ADGRB3: variants seen among roughly 807,000 people sequenced by gnomAD.
ADGRB3 encodes adhesion G protein-coupled receptor B3.
ADGRB3 carries 37 observed loss-of-function variants against 193.4 expected under a neutral mutation model. That is an observed-to-expected ratio of 0.19 (90% CI 0.15 to 0.25). ADGRB3 has a LOEUF of 0.25. ADGRB3 is among the 10% of genes least tolerant of loss of function. The probability of loss-of-function intolerance (pLI) is 1.00; values close to 1 mark genes in which losing one functional copy is unlikely to be tolerated. For missense variants in ADGRB3, 1,637 were observed against 1,852.9 expected (o/e 0.88, Z 2.14); for synonymous variants, 690 against 644.2 (o/e 1.07, Z -1.08).
intron 17 of ADGRB3, among the ~76,000 whole-genome samples, chr6:69,209,472 G>A (rs1765608525): frequency 1.3e-5 from 2 of 152,210 alleles, no homozygotes; most frequent in African/African-American, 2.4e-5. Context: ...GCACCCAAAT[G>A]TCTCACCAGT....
intron 3 of ADGRB3, among the ~76,000 whole-genome samples, chr6:68,691,384 G>A (rs1419213643): frequency 6.6e-6 from 1 of 152,002 alleles, no homozygotes; most frequent in Non-Finnish European, 1.5e-5. Flanking sequence ...TCGATTGATA[G>A]ATGAATGTGT....
intron 17 of ADGRB3, among the ~76,000 whole-genome samples, chr6:69,177,336 T>C (rs1240745255): frequency 6.6e-6 from 1 of 152,012 alleles, no homozygotes; most frequent in Non-Finnish European, 1.5e-5. Flanking sequence ...TGTCTGTTTT[T>C]CTTTATTTCA....
rs765489730 is a variant in ADGRB3 at position 68,643,438 on chromosome 6, C to CTTTTTTTTTTTT, written c.757+4017_757+4028dup. 4.2e-3 allele frequency among the ~76,000 whole-genome samples: 271 copies of CTTTTTTTTTTTT among 65,034 alleles called. 6 individuals carry two copies. Among genetic ancestry groups the CTTTTTTTTTTTT allele is most frequent in the South Asian group, 4.9e-3 (6 of 1,220 alleles). The allele number at this position is 65,034 out of a possible 152,430, so 42.7% of individuals were successfully genotyped here. On this transcript the variant is annotated intron_variant, in intron 3 of 31. Coordinates refer to ENST00000370598, the MANE Select transcript of ADGRB3 (RefSeq NM_001704.3). ...CTTTCTCTTTACACTCTTCATCTTC[C>CTTTTTTTTTTTT]TTTTTTTTTTTTTTTTTTTTTTCGT...
At chr6:68,869,099 C>T (rs1197772326) in intron 3 of ADGRB3, among the ~76,000 whole-genome samples, 1 of 152,090 alleles carries the variant, frequency 6.6e-6, no homozygotes, top group Non-Finnish European at 1.5e-5. Flanking sequence ...TCTCAGCAGT[C>T]AACTGGAAGC....
chr6:68,901,543 G>A (rs554462068), intron 3 of ADGRB3, among the ~76,000 whole-genome samples: 13 of 152,198 alleles, frequency 8.5e-5, no homozygotes, highest in Non-Finnish European at 1.6e-4. Flanking sequence ...AGGTCATTGG[G>A]AACCATCTTA....
At chr6:69,343,076 A>G (rs1052581472) in intron 26 of ADGRB3, among the ~76,000 whole-genome samples, 4 of 151,962 alleles carry the variant, frequency 2.6e-5, no homozygotes, top group Admixed American at 1.3e-4. Flanking sequence ...TAAGAAGGAG[A>G]AAATAAGTGA....
intron 3 of ADGRB3, among the ~76,000 whole-genome samples, chr6:68,788,706 C>A (rs1376103928): frequency 6.6e-6 from 1 of 152,118 alleles, no homozygotes; most frequent in African/African-American, 2.4e-5. Flanking sequence ...TCCTGGGTAT[C>A]CTTGTTAACT....
intron 3 of ADGRB3, among the ~76,000 whole-genome samples, chr6:68,789,308 A>G (rs1403683492): frequency 1.3e-5 from 2 of 152,040 alleles, no homozygotes; most frequent in African/African-American, 2.4e-5. Context: ...GATCCTTTCC[A>G]TGTTTAGTGC....
chr6:68,836,115 T>A (rs2127385603), intron 3 of ADGRB3, among the ~76,000 whole-genome samples: 1 of 152,248 alleles, frequency 6.6e-6, no homozygotes, highest in Non-Finnish European at 1.5e-5. Context: ...TGACTTTTGC[T>A]CTTCCATGTG....
chr6:69,338,560 T>G (rs1478340517), intron 24 of ADGRB3, among the ~76,000 whole-genome samples: 1 of 152,104 alleles, frequency 6.6e-6, no homozygotes, highest in Non-Finnish European at 1.5e-5. Context: ...GGGCTAGGAG[T>G]CCTCACATGT....
chr6:69,100,923 AAG>A (rs1773030047), intron 17 of ADGRB3, among the ~76,000 whole-genome samples: 1 of 45,490 alleles, frequency 2.2e-5, no homozygotes, highest in Non-Finnish European at 4.6e-5. Flanking sequence ...GGAAGGAAGG[AAG>A]GAGGGAGGGA....
chr6:68,917,012 G>A (rs755735881), intron 3 of ADGRB3, among the ~76,000 whole-genome samples: 8 of 152,158 alleles, frequency 5.3e-5, no homozygotes, highest in Admixed American at 2.0e-4. Flanking sequence ...GGGGTTGGGC[G>A]GTGGTATGAT....
At chr6:68,769,819 C>T (rs1366710531) in intron 3 of ADGRB3, among the ~76,000 whole-genome samples, 1 of 151,832 alleles carries the variant, frequency 6.6e-6, no homozygotes, top group Admixed American at 6.6e-5. Flanking sequence ...TAACTTTTTT[C>T]AAAAAATAAT....
At chr6:69,226,114 A>T (rs61169638) in intron 17 of ADGRB3, among the ~76,000 whole-genome samples, 303 of 152,314 alleles carry the variant, frequency 2.0e-3, no homozygotes, top group African/African-American at 6.8e-3. Flanking sequence ...AATAATGTTC[A>T]TGACCTCAAG....
At chr6:69,358,549 C>A (rs1769380394) in intron 28 of ADGRB3, among the ~76,000 whole-genome samples, 1 of 151,772 alleles carries the variant, frequency 6.6e-6, no homozygotes, top group Non-Finnish European at 1.5e-5. Context: ...TTCAGTTGAG[C>A]CCATTAGGAT....
At chr6:69,122,052 GGTGGT>G (rs1412113838) in intron 17 of ADGRB3, among the ~76,000 whole-genome samples, 88 of 151,242 alleles carry the variant, frequency 5.8e-4, no homozygotes, top group East Asian at 2.0e-3. Flanking sequence ...TCCCAGACGG[GGTGGT>G]GGCCGGGCAG....
chr6:68,694,614 G>T (rs900240794), intron 3 of ADGRB3, among the ~76,000 whole-genome samples: 2 of 151,896 alleles, frequency 1.3e-5, no homozygotes, highest in Non-Finnish European at 2.9e-5. Context: ...TACCTCAGAG[G>T]CATGCTGTGT....
chr6:69,089,888 C>G (rs534619537), intron 17 of ADGRB3, among the ~76,000 whole-genome samples: 17 of 152,130 alleles, frequency 1.1e-4, no homozygotes, highest in Non-Finnish European at 2.9e-5. Flanking sequence ...ACCAAATGTT[C>G]GTGAGGGTGG....
intron 3 of ADGRB3, among the ~76,000 whole-genome samples, chr6:68,879,663 A>C (rs1346329854): frequency 6.6e-6 from 1 of 152,172 alleles, no homozygotes; most frequent in Non-Finnish European, 1.5e-5. Context: ...TCTTGGGGAA[A>C]GTTTCAGGGA....
Sources: allele counts gnomAD v4.1 joint callset (sites outside exome capture counted in the v4.1 genomes callset), GRCh38; gene constraint gnomAD v4.1.1; transcripts MANE v1.5; gene names NCBI Gene and HGNC (gene_info 2026-07-23, HGNC 2026-07-21).